The following ULK4 variants were observed in gnomAD, a reference collection of about 807,000 sequenced individuals.
ULK4 encodes inactive serine/threonine-protein kinase ULK4.
A neutral mutation model predicts 160.6 loss-of-function variants in ULK4; 133 were observed. The ratio of observed to expected loss-of-function variants is 0.83; its 90% CI spans 0.72 to 0.96. The LOEUF (loss-of-function observed/expected upper bound fraction) is 0.96. Ranked by LOEUF, ULK4 falls within the 40% of genes least tolerant of loss-of-function variation. The pLI, the probability that ULK4 is intolerant of heterozygous loss-of-function variation, is 0.00. For synonymous variants in ULK4, 534 were observed against 539.8 expected, an observed-to-expected ratio of 0.99 and a Z score of 0.15; for missense variants, 1,580 against 1,499.5, an observed-to-expected ratio of 1.05 and a Z score of -0.89.
intron 33 of ULK4, among the ~76,000 whole-genome samples, chr3:41,461,798 A>C (rs984745597): frequency 6.6e-6 from 1 of 152,152 alleles, no homozygotes; most frequent in Non-Finnish European, 1.5e-5. Context: ...TCTTTTACAG[A>C]TTGTCATCAA....
intron 30 of ULK4, among the ~76,000 whole-genome samples, chr3:41,625,294 T>A (rs2033445800): frequency 6.6e-6 from 1 of 152,206 alleles, no homozygotes; most frequent in Non-Finnish European, 1.5e-5. Context: ...TGATAAAATA[T>A]CTGATATCCA....
chr3:41,249,475 T>C lies in ULK4; in HGVS notation c.3764+14A>G. On this transcript the variant is annotated intron_variant, in intron 36 of 36. Coordinates refer to ENST00000301831, the MANE Select transcript of ULK4 (RefSeq NM_017886.4). ...ATCTAGAGCAGACTGCTGATCCTCC[T>C]GGGTCCCACTTACCCACTCCCAGGG... The C allele has an allele frequency of 6.2e-7, 1 of 1,611,214 alleles. No individual in the cohort carries two copies. Among genetic ancestry groups the C allele is most frequent in the Admixed American group, 1.7e-5 (1 of 59,820 alleles).
intron 30 of ULK4, among the ~76,000 whole-genome samples, chr3:41,648,543 A>G (rs187765466): frequency 2.2e-4 from 33 of 152,334 alleles, no homozygotes; most frequent in Admixed American, 4.6e-4. Flanking sequence ...TGTCTGCCCA[A>G]TTGATAGACC....
intron 32 of ULK4, among the ~76,000 whole-genome samples, chr3:41,488,207 A>G (rs2084614537): frequency 6.6e-6 from 1 of 152,228 alleles, no homozygotes; most frequent in African/African-American, 2.4e-5. Context: ...TTTGAGAGTA[A>G]CTTTTTAATG....
intron 30 of ULK4, among the ~76,000 whole-genome samples, chr3:41,658,394 T>C (rs1249922354): frequency 1.3e-5 from 2 of 152,194 alleles, no homozygotes; most frequent in South Asian, 2.1e-4. Flanking sequence ...GTGATACTAA[T>C]GTACAGCCAA....
intron 29 of ULK4, among the ~76,000 whole-genome samples, chr3:41,680,098 T>A (rs1057418193): frequency 6.6e-6 from 1 of 152,212 alleles, no homozygotes; most frequent in Non-Finnish European, 1.5e-5. Context: ...TAACTATATA[T>A]GAATACTTTT....
chr3:41,444,409 CT>C (rs1217953467), intron 34 of ULK4, among the ~76,000 whole-genome samples: 1 of 148,774 alleles, frequency 6.7e-6, no homozygotes, highest in African/African-American at 2.6e-5. Context: ...ATATAATCTC[CT>C]TACAGATACT....
intron 34 of ULK4, among the ~76,000 whole-genome samples, chr3:41,406,607 G>A (rs2082298690): frequency 6.6e-6 from 1 of 152,114 alleles, no homozygotes; most frequent in Admixed American, 6.5e-5. Context: ...GGTAAATATT[G>A]GGGGACTAGG....
intron 2 of ULK4, among the ~76,000 whole-genome samples, chr3:41,953,701 C>T (rs576798491): frequency 6.6e-6 from 1 of 152,098 alleles, no homozygotes; most frequent in East Asian, 1.9e-4. Context: ...GTTGGGGGAA[C>T]CTGCTTGTTT....
chr3:41,509,785 C>T (rs1575330893), intron 32 of ULK4, among the ~76,000 whole-genome samples: 1 of 152,106 alleles, frequency 6.6e-6, no homozygotes, highest in South Asian at 2.1e-4. Context: ...TGAGAAAACT[C>T]AGCACTACCA....
At chr3:41,269,227 C>G (rs779306562) in intron 35 of ULK4, among the ~76,000 whole-genome samples, 5 of 152,104 alleles carry the variant, frequency 3.3e-5, no homozygotes, top group Non-Finnish European at 7.3e-5. Flanking sequence ...ACAAGTATCC[C>G]TTGTAAATGG....
At chr3:41,301,280 T>G (rs1159621274) in intron 35 of ULK4, among the ~76,000 whole-genome samples, 1 of 149,734 alleles carries the variant, frequency 6.7e-6, no homozygotes, top group South Asian at 2.1e-4. Flanking sequence ...CTTAACCAGC[T>G]GGCATTTTAT....
At chr3:41,803,896 T>C (rs554448261) in intron 19 of ULK4, among the ~76,000 whole-genome samples, 11 of 152,244 alleles carry the variant, frequency 7.2e-5, no homozygotes, top group East Asian at 3.8e-4. Context: ...TGTTGGACAT[T>C]TGGATTGGTT....
chr3:41,366,548 TACACACAC>T (rs148305509), intron 35 of ULK4, among the ~76,000 whole-genome samples: 1 of 148,690 alleles, frequency 6.7e-6, no homozygotes, highest in Non-Finnish European at 1.5e-5. Context: ...AAAATATGGC[TACACACAC>T]ACACACACAC....
intron 30 of ULK4, among the ~76,000 whole-genome samples, chr3:41,634,329 T>G (rs1207924204): frequency 6.6e-6 from 1 of 152,198 alleles, no homozygotes; most frequent in Non-Finnish European, 1.5e-5. Context: ...TGGGGAAAAC[T>G]CTGCCTGAAG....
At chr3:41,540,526 G>T (rs980033025) in intron 32 of ULK4, among the ~76,000 whole-genome samples, 2 of 152,190 alleles carry the variant, frequency 1.3e-5, no homozygotes, top group Admixed American at 6.5e-5. Flanking sequence ...ATAGAAGAAT[G>T]ATTTATAATC....
intron 13 of ULK4, among the ~76,000 whole-genome samples, chr3:41,899,572 T>C (rs532333515): frequency 2.6e-5 from 4 of 152,328 alleles, no homozygotes; most frequent in African/African-American, 9.6e-5. Flanking sequence ...CAACACAAAT[T>C]TGTAAACCTT....
intron 31 of ULK4, among the ~76,000 whole-genome samples, chr3:41,578,417 G>A (rs1426050201): frequency 1.3e-5 from 2 of 152,076 alleles, no homozygotes; most frequent in African/African-American, 4.8e-5. Flanking sequence ...CATTATATTT[G>A]TTTAGTCACT....
Position 41,814,032 on chromosome 3 carries a change from G to A in ULK4, c.1848+5391C>T, listed in dbSNP as rs552053701. On this transcript the variant is annotated intron_variant, in intron 19 of 36. Coordinates refer to ENST00000301831, the MANE Select transcript of ULK4 (RefSeq NM_017886.4). ...AGTGGGGTAGACCGCTGCCAAAGAGGTGATGGGGTAAGCAGCACACACAAT... is the reference window on the plus strand; with the variant it reads ...AGTGGGGTAGACCGCTGCCAAAGAGATGATGGGGTAAGCAGCACACACAAT... 2.6e-5 allele frequency among the ~76,000 whole-genome samples: 4 copies of A among 152,242 alleles called. No homozygotes were observed. The South Asian group carries it at 6.2e-4, about 24-fold the overall frequency.
Sources: gnomAD v4.1 joint callset for allele counts (sites outside exome capture counted in the v4.1 genomes callset) on GRCh38, gnomAD v4.1.1 for gene constraint, MANE v1.5 for transcripts, NCBI Gene and HGNC (gene_info 2026-07-23, HGNC 2026-07-21) for gene names.